DQX1: variants seen among roughly 807,000 people sequenced by gnomAD.
DQX1 encodes the protein DEAQ-box RNA dependent ATPase 1.
DQX1 carries 66 observed loss-of-function variants against 81.3 expected under a neutral mutation model. That is an observed-to-expected ratio of 0.81 (90% CI 0.67 to 1.00). The LOEUF is 1.00. Among genes scored for constraint, DQX1 ranks in the 50% least tolerant of loss-of-function variants. The pLI is 0.00. For synonymous variants in DQX1, 290 were observed against 350.0 expected, an observed-to-expected ratio of 0.83 and a Z score of 1.91; for missense variants, 798 against 867.9, an observed-to-expected ratio of 0.92 and a Z score of 1.01.
chr2:74,523,895 GTTTT>G (rs143229792), intron 4 of DQX1, 24 bp downstream of exon 4: 1 of 1,514,884 alleles, frequency 6.6e-7, no homozygotes, highest in Non-Finnish European at 8.8e-7. Context: ...TTTGCAGGCT[GTTTT>G]TTTTGTTTTG....
rs1459933399 is a variant in DQX1, at chr2:74,522,974, T to C, written c.1185A>G (p.Leu395=). The C allele has an allele frequency of 1.2e-6, 2 of 1,614,052 alleles. No homozygotes were observed. The highest frequency in any genetic ancestry group is 2.7e-5 in the African/African-American group (2 of 74,920). ...TGGGTTGTGGCAATGGTGGAGCTTC[T>C]AGTTCTAAGAAGGACTTAGGATACA... ...LCLYPKSFLE[L]EAPPLPQPRV... The change falls in exon 7 of 12, where the codon CTA becomes CTG. Residue 395 remains leucine (L), a synonymous_variant. Coordinates refer to ENST00000404568, the MANE Select transcript of DQX1 (RefSeq NM_133637.3).
At position 74,522,890 on chromosome 2, in the gene DQX1, T is replaced by C. The variant is rs749806738; in HGVS notation, c.1269A>G (p.Ala423=). ...CCAGGAAGTGACACTCCCCTGGCTC[T>C]GCAATCTGTCTCCTTTTTAGTAGTA... is the stretch of plus-strand genomic sequence containing the variant. ...LVLLLKRRQI[A]EPGECHFLDQ... Residue 423 remains alanine, a synonymous_variant, in exon 7 of 12, where the codon GCA becomes GCG. Transcript: ENST00000404568. The C allele has an allele frequency of 1.0e-4, 164 of 1,614,042 alleles. No homozygotes were observed. Among genetic ancestry groups the C allele is most frequent in the Non-Finnish European group, 1.3e-4 (158 of 1,180,004 alleles).
Position 74,523,084 on chromosome 2 carries a change from G to C in DQX1, c.1144+35C>G, listed in dbSNP as rs551563920. The C allele has an allele frequency of 4.3e-6, 7 of 1,613,996 alleles. No individual in the cohort carries two copies. The South Asian group carries it at 7.7e-5, about 18-fold the overall frequency. Reference sequence around the variant, plus strand: ...CAGGGCTTGCATGTTGGTGACTCTTGGGTTTTTTATTTCAGTGAGGGCAAA... The same window carrying C: ...CAGGGCTTGCATGTTGGTGACTCTTCGGTTTTTTATTTCAGTGAGGGCAAA... On this transcript the variant is annotated intron_variant, in intron 6 of 11. Transcript: ENST00000404568.
chr2:74,519,675 G>A lies in DQX1; in HGVS notation c.1687C>T (p.Arg563Trp), dbSNP rs138905883. ...TGCATGAGTTCTAGGAGTTCTCCCC[G>A]AAGTTTATGGGCTTGGCACAATGCT... is the stretch of plus-strand genomic sequence containing the variant. ...WAALCQAHKL[R>W]GELLELMQRI... The change falls in exon 10 of 12, where the codon CGG (arginine) becomes TGG (tryptophan). Residue 563 changes from arginine (R) to tryptophan (W), a missense_variant. Arg to Trp is a moderately radical substitution (Grantham distance 101, BLOSUM62 -3). Transcript: ENST00000404568. 145 of 1,614,022 alleles carry A rather than the reference G, an allele frequency of 9.0e-5. No homozygotes were observed. Among genetic ancestry groups the A allele is most frequent in the Middle Eastern group, 1.6e-4 (1 of 6,084 alleles).
At chr2:74,523,683 G>C in intron 4 of DQX1, 146 bp from the exon 5 acceptor site, 1 of 973,988 alleles carries the variant, frequency 1.0e-6, no homozygotes, top group Non-Finnish European at 1.5e-6. Flanking sequence ...TAATTTCAGG[G>C]GTTCACTGAA....
At position 74,523,499 on chromosome 2, in the gene DQX1, T is replaced by C. The variant is rs1416213113; in HGVS notation, c.855A>G (p.Val285=). ...SLCCESLSRE[V]ESLLLQGLPP... The stretch of plus-strand genomic sequence containing the variant: ...GAAGCCCTTGGAGAAGCAAGGACTC[T>C]ACCTCCCTGGACAAGGATTCACAGC... The change falls in exon 5 of 12, where the codon GTA becomes GTG. Residue 285 remains valine (V), a synonymous_variant. Transcript: ENST00000404568. 6.2e-7 allele frequency: 1 copy of C among 1,613,840 alleles called. No homozygotes were observed. Among genetic ancestry groups the C allele is most frequent in the Admixed American group, 1.7e-5 (1 of 59,990 alleles).
intron 8 of DQX1, among the ~76,000 whole-genome samples, chr2:74,522,299 ATGC>A (rs1558601875): frequency 6.6e-6 from 1 of 152,228 alleles, no homozygotes; most frequent in Non-Finnish European, 1.5e-5. Flanking sequence ...GATAGAAATC[ATGC>A]TGCATAGCTG....
chr2:74,519,243 C>T lies in DQX1; in HGVS notation c.1807-13G>A. The T allele has an allele frequency of 6.5e-7, 1 of 1,537,116 alleles. No homozygotes were observed. Among genetic ancestry groups the T allele is most frequent in the Non-Finnish European group, 8.7e-7 (1 of 1,142,936 alleles). ...TGTCTCTGGCCACCTTATTGAAAGG[C>T]AGAAATATTGACGGAATAAATAAAA... On this transcript the variant is annotated splice_polypyrimidine_tract_variant and intron_variant, in intron 10 of 11. Transcript: ENST00000404568.
At position 74,524,084 on chromosome 2, in the gene DQX1, G is replaced by A. The variant is rs1675110806; in HGVS notation, c.655C>T (p.Pro219Ser). 1.9e-6 allele frequency: 3 copies of A among 1,614,150 alleles called. No homozygotes were observed. The highest frequency in any genetic ancestry group is 2.5e-6 in the Non-Finnish European group (3 of 1,180,024). Residue 219 changes from proline to serine, a missense_variant, in exon 4 of 12, where the codon CCT becomes TCT. By Grantham distance (74) the Pro-to-Ser change is moderately conservative (BLOSUM62 -1). Coordinates refer to ENST00000404568, the MANE Select transcript of DQX1 (RefSeq NM_133637.3). ...EPKLRAFWGN[P>S]PIVHIPREPG... ...TCTCTGGGTATATGCACAATAGGAGGATTGCCCCAGAAAGCTCGGAGCTTA... is the reference window on the plus strand; with the variant it reads ...TCTCTGGGTATATGCACAATAGGAGAATTGCCCCAGAAAGCTCGGAGCTTA...
chr2:74,523,838 C>A, intron 4 of DQX1, 85 bp downstream of exon 4: 1 of 1,448,014 alleles, frequency 6.9e-7, no homozygotes, highest in South Asian at 1.5e-5. Context: ...CATTCCCATT[C>A]CTCAGGACTG....
At chr2:74,518,924 A>G in intron 11 of DQX1, 116 bp downstream of exon 11, 1 of 1,111,534 alleles carries the variant, frequency 9.0e-7, no homozygotes, top group Admixed American at 2.7e-5. Flanking sequence ...CTGTCTCCTC[A>G]GATCATGTTT....
chr2:74,523,729 A>G, intron 4 of DQX1, 192 bp from the exon 5 acceptor site: 1 of 1,002,630 alleles, frequency 1.0e-6, no homozygotes, highest in African/African-American at 1.6e-5. Flanking sequence ...TAAAAAAGTG[A>G]GTGGTAAACC....
intron 8 of DQX1, among the ~76,000 whole-genome samples, chr2:74,521,575 G>A (rs1258024095): frequency 6.6e-6 from 1 of 151,732 alleles, no homozygotes; most frequent in African/African-American, 2.4e-5. Flanking sequence ...GCTTGAACCA[G>A]GCAGACAGAG....
Position 74,525,312 on chromosome 2 carries a change from G to T in DQX1, c.238-110C>A. 1 of 1,333,770 alleles carries T rather than the reference G, an allele frequency of 7.5e-7. No individual in the cohort carries two copies. Among genetic ancestry groups the T allele is most frequent in the Non-Finnish European group, 1.0e-6 (1 of 992,298 alleles). The allele number at this position is 1,333,770 out of a possible 1,614,324, so 82.6% of individuals were successfully genotyped here. A position where few individuals can be genotyped will look rare whatever the true frequency, so the allele number is the denominator to read the frequency against. ...TCTTTCCTTATTTGGGGAGTCCCCT[G>T]GTCTTTCACCAGCCTCCAGGGCCAA... On this transcript the variant is annotated intron_variant, in intron 2 of 11. Coordinates refer to ENST00000404568, the MANE Select transcript of DQX1 (RefSeq NM_133637.3). This position sits in a 1 kb window ranked among gnomAD's most constrained non-coding sequence, Gnocchi z 4.1.
chr2:74,524,962 C>T (rs1279113578), intron 3 of DQX1, 47 bp downstream of exon 3: 13 of 1,564,302 alleles, frequency 8.3e-6, no homozygotes, highest in Non-Finnish European at 1.0e-5. Context: ...TTTGTTTCTA[C>T]TGAATAAGGG....
At position 74,519,760 on chromosome 2, in the gene DQX1, G is replaced by A. The variant is rs764283600; in HGVS notation, c.1616-14C>T. 5 of 1,613,706 alleles carry A rather than the reference G, an allele frequency of 3.1e-6. No individual in the cohort carries two copies. In the South Asian group the frequency reaches 4.4e-5, roughly 14 times the overall value. On this transcript the variant is annotated splice_polypyrimidine_tract_variant and intron_variant, in intron 9 of 11. Transcript: ENST00000404568. ...CATCTGCTCCACCTAGGAGAGGAAA[G>A]GGACCAGCTAAACTAAAGTCCTTGA...
intron 6 of DQX1, 33 bp downstream of exon 6, chr2:74,523,086 G>GT (rs370698471): frequency 5.0e-6 from 8 of 1,614,108 alleles, no homozygotes; most frequent in East Asian, 4.5e-5. Flanking sequence ...TGACTCTTGG[G>GT]TTTTTTATTT....
At chr2:74,524,910 G>T in intron 3 of DQX1, 99 bp downstream of exon 3, 1 of 1,377,784 alleles carries the variant, frequency 7.3e-7, no homozygotes, top group Non-Finnish European at 9.9e-7. Flanking sequence ...AAAAGAGTGA[G>T]TTGGGCTAAG....
In DQX1 at chr2:74,518,330, G is replaced by GT; in HGVS notation, c.*115dup. 7.8e-7 allele frequency: 1 copy of GT among 1,284,724 alleles called. No individual in the cohort carries two copies. The highest frequency in any genetic ancestry group is 1.5e-5 in the South Asian group (1 of 68,318). 79.6% of individuals were successfully genotyped at this position (1,284,724 alleles called of 1,614,324 possible). ...CATTTCTTGGGACTCAGGTTCCAGG[G>GT]TTTACATTTGACCCTAAACTTTGGG... On this transcript the variant is annotated 3_prime_UTR_variant, in exon 12 of 12. Coordinates refer to ENST00000404568, the MANE Select transcript of DQX1 (RefSeq NM_133637.3).
Sources: gnomAD v4.1 joint callset for allele counts (sites outside exome capture counted in the v4.1 genomes callset) on GRCh38, gnomAD v4.1.1 for gene constraint, Gnocchi (gnomAD v3.1) non-coding constraint, MANE v1.5 for transcripts, NCBI Gene and HGNC (gene_info 2026-07-23, HGNC 2026-07-21) for gene names.